CCDC178: variants seen among roughly 807,000 people sequenced by gnomAD.
CCDC178 encodes coiled-coil domain-containing protein 178.
Under a neutral mutation model 117.4 loss-of-function variants are expected in CCDC178, and 126 were observed. That is an observed-to-expected ratio of 1.07 (90% CI 0.93 to 1.24). The LOEUF is 1.24. CCDC178 is among the 50% of genes most tolerant of loss of function. CCDC178 has a pLI of 0.00. For synonymous variants in CCDC178, 283 were observed against 313.4 expected, an observed-to-expected ratio of 0.90 and a Z score of 1.02; for missense variants, 1,030 against 986.9, an observed-to-expected ratio of 1.04 and a Z score of -0.59.
rs755472318 is a variant in CCDC178 at position 33,211,893 on chromosome 18, CACTT to C, written c.2237_2238+2del. 8.8e-6 allele frequency: 14 copies of C among 1,599,684 alleles called. No homozygotes were observed. In the South Asian group the frequency reaches 1.6e-4, roughly 18 times the overall value. On this transcript the variant is annotated splice_donor_variant and coding_sequence_variant, in exon 20 of 23. Coordinates refer to ENST00000383096, the MANE Select transcript of CCDC178 (RefSeq NM_001105528.4). LOFTEE classifies it high-confidence loss of function. Reference sequence around the variant, plus strand: ...TTTTGAAACATGCAAAAATAATACTCACTTGGGTATCTTGAAGAGTTTTTTGTCT... The same window carrying C: ...TTTTGAAACATGCAAAAATAATACTCGGGTATCTTGAAGAGTTTTTTGTCT...
intron 2 of CCDC178, among the ~76,000 whole-genome samples, chr18:33,421,243 CA>C (rs1350245619): frequency 6.6e-6 from 1 of 152,152 alleles, no homozygotes; most frequent in African/African-American, 2.4e-5. Flanking sequence ...AGTTCTAGTA[CA>C]AAAGTATAAA....
intron 21 of CCDC178, among the ~76,000 whole-genome samples, chr18:33,091,618 T>A (rs951423353): frequency 6.6e-6 from 1 of 152,082 alleles, no homozygotes; most frequent in African/African-American, 2.4e-5. Context: ...CCTTGATGTA[T>A]CTTCATCTTG....
At chr18:33,052,553 C>T (rs2056764145) in intron 21 of CCDC178, among the ~76,000 whole-genome samples, 1 of 151,844 alleles carries the variant, frequency 6.6e-6, no homozygotes. Flanking sequence ...ATCCAAATCA[C>T]TATAAAGAAG....
chr18:33,371,540 A>C (rs887545581), intron 5 of CCDC178, among the ~76,000 whole-genome samples: 2 of 151,976 alleles, frequency 1.3e-5, no homozygotes, highest in African/African-American at 4.8e-5. Flanking sequence ...ATGGAGTATA[A>C]GCTGTGAAGG....
At chr18:33,077,977 C>A (rs1403079699) in intron 21 of CCDC178, among the ~76,000 whole-genome samples, 3 of 152,028 alleles carry the variant, frequency 2.0e-5, no homozygotes, top group Non-Finnish European at 4.4e-5. Context: ...CACACAACAA[C>A]AACAAAAAGA....
intron 12 of CCDC178, among the ~76,000 whole-genome samples, chr18:33,284,947 A>G (rs2060079560): frequency 6.6e-6 from 1 of 152,022 alleles, no homozygotes; most frequent in African/African-American, 2.4e-5. Context: ...ACACACACAC[A>G]CACATTAAAC....
At chr18:33,122,445 TTTA>T (rs1202338099) in intron 20 of CCDC178, among the ~76,000 whole-genome samples, 1 of 152,172 alleles carries the variant, frequency 6.6e-6, no homozygotes, top group Non-Finnish European at 1.5e-5. Flanking sequence ...TTTACTACAT[TTTA>T]TATTTATGTA....
At chr18:32,963,623 C>A (rs2054750907) in intron 22 of CCDC178, among the ~76,000 whole-genome samples, 1 of 151,844 alleles carries the variant, frequency 6.6e-6, no homozygotes, top group African/African-American at 2.4e-5. Flanking sequence ...TTATATAACC[C>A]CCTGACTACC....
intron 21 of CCDC178, among the ~76,000 whole-genome samples, chr18:33,066,614 C>T (rs1454575518): frequency 6.6e-6 from 1 of 152,158 alleles, no homozygotes; most frequent in African/African-American, 2.4e-5. Flanking sequence ...AAATTCACTT[C>T]ATCTGAAAAG....
intron 11 of CCDC178, among the ~76,000 whole-genome samples, chr18:33,298,273 A>C (rs1331241420): frequency 1.3e-5 from 2 of 152,226 alleles, no homozygotes; most frequent in Admixed American, 6.5e-5. Context: ...AAATGATAAC[A>C]CACCATGATC....
chr18:33,188,779 G>C (rs1451714276), intron 20 of CCDC178, among the ~76,000 whole-genome samples: 4 of 152,142 alleles, frequency 2.6e-5, no homozygotes, highest in Non-Finnish European at 5.9e-5. Flanking sequence ...AAGCTTGTCA[G>C]ACTTCTACAG....
chr18:33,276,589 A>G (rs2059952917), intron 12 of CCDC178, among the ~76,000 whole-genome samples: 1 of 152,154 alleles, frequency 6.6e-6, no homozygotes, highest in African/African-American at 2.4e-5. Flanking sequence ...CAAAAGAAAA[A>G]GGTTTCCAAG....
rs935951040 is a variant in CCDC178, at chr18:33,323,525, T to A, written c.988A>T (p.Ile330Phe). The A allele has an allele frequency of 1.3e-6, 2 of 1,557,418 alleles. No individual in the cohort carries two copies. The highest frequency in any genetic ancestry group is 3.8e-5 in the Admixed American group (2 of 53,254). ...QQIKEEIDKD[I>F]YQDEKTIEAY... Reference sequence around the variant, plus strand: ...TCTATGGTTTTTTCATCCTGGTAAATATCCTTATCAATCTCTTCTTTAATT... The same window carrying A: ...TCTATGGTTTTTTCATCCTGGTAAAAATCCTTATCAATCTCTTCTTTAATT... Residue 330 changes from isoleucine to phenylalanine, a missense_variant, in exon 11 of 23, where the codon ATT (isoleucine) becomes TTT (phenylalanine). Transcript: ENST00000383096.
chr18:33,261,667 A>C lies in CCDC178; in HGVS notation c.1409+5249T>G, dbSNP rs1365144480. Among the ~76,000 whole-genome samples the C allele has an allele frequency of 2.0e-5, 3 of 152,154 alleles. No individual in the cohort carries two copies. In the East Asian group the frequency reaches 5.8e-4, roughly 29 times the overall value. On this transcript the variant is annotated intron_variant, in intron 14 of 22. Transcript: ENST00000383096. ...TTAATGGTTATATAATCTTTTTCAC[A>C]TTTAAATATTCCATAGGGCTATTTG...
intron 11 of CCDC178, among the ~76,000 whole-genome samples, chr18:33,304,488 C>T (rs765094203): frequency 2.0e-5 from 3 of 152,160 alleles, no homozygotes; most frequent in African/African-American, 4.8e-5. Context: ...AATCATAAAA[C>T]GATGTTCTAT....
intron 20 of CCDC178, among the ~76,000 whole-genome samples, chr18:33,173,057 T>C (rs1331612985): frequency 6.6e-6 from 1 of 152,082 alleles, no homozygotes; most frequent in Non-Finnish European, 1.5e-5. Flanking sequence ...TTAGTTTTTG[T>C]TTTTGTTTTT....
intron 21 of CCDC178, among the ~76,000 whole-genome samples, chr18:33,023,417 T>C (rs1305470429): frequency 6.6e-6 from 1 of 152,022 alleles, no homozygotes; most frequent in Non-Finnish European, 1.5e-5. Flanking sequence ...CATATGAGAG[T>C]GTTAACAGGA....
intron 11 of CCDC178, among the ~76,000 whole-genome samples, chr18:33,293,726 T>C (rs2062068410): frequency 1.3e-5 from 2 of 151,992 alleles, no homozygotes; most frequent in African/African-American, 4.8e-5. Context: ...AACACACCGA[T>C]GAATCAATGG....
At chr18:33,250,975 C>T (rs2059613702) in intron 14 of CCDC178, among the ~76,000 whole-genome samples, 1 of 151,450 alleles carries the variant, frequency 6.6e-6, no homozygotes, top group African/African-American at 2.4e-5. Flanking sequence ...CCAAGCAAAA[C>T]TGAATAAGAA....
Sources: allele counts gnomAD v4.1 joint callset (sites outside exome capture counted in the v4.1 genomes callset), GRCh38; gene constraint gnomAD v4.1.1; transcripts MANE v1.5; gene names NCBI Gene and HGNC (gene_info 2026-07-23, HGNC 2026-07-21).